Variants in PVT1 observed in about 807,000 individuals in gnomAD.
PVT1 encodes the protein Pvt1 oncogene.
At chr8:127,998,700 T>C (rs920688671) in intron 4 of PVT1, among the ~76,000 whole-genome samples, 2 of 149,972 alleles carry the variant, frequency 1.3e-5, no homozygotes, top group African/African-American at 4.9e-5. Flanking sequence ...TTCTTTCTTC[T>C]TTCTTTCTTT....
intron 2 of PVT1, among the ~76,000 whole-genome samples, chr8:127,829,941 C>T (rs1814832080): frequency 6.6e-6 from 1 of 152,180 alleles, no homozygotes; most frequent in African/African-American, 2.4e-5. Context: ...TGCTGGCAAT[C>T]TCTGGCTTGT....
intron 4 of PVT1, among the ~76,000 whole-genome samples, chr8:128,018,342 A>G (rs1817397187): frequency 2.0e-5 from 3 of 152,208 alleles, no homozygotes; most frequent in South Asian, 2.1e-4. Flanking sequence ...AAATTGGTAG[A>G]TGCTCTCCCC....
chr8:128,014,879 G>A (rs901714472), intron 4 of PVT1, among the ~76,000 whole-genome samples: 42 of 151,952 alleles, frequency 2.8e-4, no homozygotes, highest in African/African-American at 9.7e-4. Flanking sequence ...TGGACTCTAG[G>A]GGCACTTAAG....
At position 127,985,574 on chromosome 8, in the gene PVT1, C is replaced by A. The variant is rs1458879773; in HGVS notation, n.783-3588C>A. ...TATGCACTTCCCACCCTGCCCTGCACCCCATGCTCGGCTTGCTGGATTTGA... is the reference window on the plus strand; with the variant it reads ...TATGCACTTCCCACCCTGCCCTGCAACCCATGCTCGGCTTGCTGGATTTGA... On this transcript the variant is annotated intron_variant and non_coding_transcript_variant, in intron 3 of 10. Coordinates refer to ENST00000651587, the Ensembl canonical transcript of PVT1. Among the ~76,000 whole-genome samples, 18 of 152,284 alleles carry A rather than the reference C, an allele frequency of 1.2e-4. No individual in the cohort carries two copies. In the East Asian group the frequency reaches 3.5e-3, roughly 29 times the overall value.
At chr8:127,796,967 C>T (rs1038134422) in intron 2 of PVT1, among the ~76,000 whole-genome samples, 1 of 151,750 alleles carries the variant, frequency 6.6e-6, no homozygotes, top group Non-Finnish European at 1.5e-5. Context: ...CAACTTCCGC[C>T]TCCCAGGTTC....
intron 2 of PVT1, among the ~76,000 whole-genome samples, chr8:127,860,224 C>A (rs376326932): frequency 1.3e-5 from 2 of 152,180 alleles, no homozygotes; most frequent in Non-Finnish European, 2.9e-5. Context: ...AGGAGGCCGG[C>A]TCCTGGCAGA....
intron 3 of PVT1, among the ~76,000 whole-genome samples, chr8:127,902,348 C>A (rs910189495): frequency 3.3e-5 from 5 of 152,052 alleles, no homozygotes; most frequent in African/African-American, 1.2e-4. Context: ...ATACTTGGTT[C>A]CGGCTGTGTG....
At chr8:128,056,441 G>C (rs1813763403) in intron 4 of PVT1, among the ~76,000 whole-genome samples, 1 of 152,176 alleles carries the variant, frequency 6.6e-6, no homozygotes, top group Non-Finnish European at 1.5e-5. Context: ...TTCATTGCGT[G>C]TATACATAAA....
At chr8:128,086,633 CAG>C (rs1814261378) in intron 5 of PVT1, among the ~76,000 whole-genome samples, 1 of 152,258 alleles carries the variant, frequency 6.6e-6, no homozygotes, top group Non-Finnish European at 1.5e-5. Flanking sequence ...TTTACCTAAA[CAG>C]AGAATTTCTT....
chr8:127,893,610 C>T (rs1815638651), intron 3 of PVT1, among the ~76,000 whole-genome samples: 1 of 152,226 alleles, frequency 6.6e-6, no homozygotes, highest in Non-Finnish European at 1.5e-5. Flanking sequence ...AGAATACAAG[C>T]AGCATTTGGA....
chr8:127,876,867 T>C (rs1052111633), intron 2 of PVT1, among the ~76,000 whole-genome samples: 1 of 152,204 alleles, frequency 6.6e-6, no homozygotes, highest in African/African-American at 2.4e-5. Context: ...TTACCCAGAA[T>C]CCTTGGGCAA....
intron 4 of PVT1, among the ~76,000 whole-genome samples, chr8:128,048,773 T>G (rs1249227414): frequency 6.6e-6 from 1 of 152,234 alleles, no homozygotes; most frequent in East Asian, 1.9e-4. Context: ...ATAGCATAAG[T>G]GAAAGTGCCC....
intron 3 of PVT1, among the ~76,000 whole-genome samples, chr8:127,973,111 C>T (rs1461419548): frequency 2.6e-5 from 4 of 152,056 alleles, no homozygotes; most frequent in Non-Finnish European, 5.9e-5. Context: ...CTATGTTGCC[C>T]AGGCTGGTCT....
intron 4 of PVT1, among the ~76,000 whole-genome samples, chr8:127,997,820 C>T (rs953046604): frequency 6.6e-6 from 1 of 152,226 alleles, no homozygotes; most frequent in African/African-American, 2.4e-5. Context: ...AGGATCCCAT[C>T]TGGGATCCCA....
At chr8:128,034,983 G>T (rs931772146) in intron 4 of PVT1, among the ~76,000 whole-genome samples, 2 of 152,242 alleles carry the variant, frequency 1.3e-5, no homozygotes, top group African/African-American at 4.8e-5. Flanking sequence ...GTCCTGGCAT[G>T]AGCAGTAGCT....
At chr8:127,921,946 T>G (rs1374198819) in intron 3 of PVT1, among the ~76,000 whole-genome samples, 2 of 126,936 alleles carry the variant, frequency 1.6e-5, no homozygotes, top group Non-Finnish European at 3.2e-5. Context: ...CTGCAACCTC[T>G]GCCTCCTGGG....
At chr8:127,966,732 A>G (rs2129955776) in intron 3 of PVT1, among the ~76,000 whole-genome samples, 1 of 152,300 alleles carries the variant, frequency 6.6e-6, no homozygotes, top group Middle Eastern at 3.4e-3. Flanking sequence ...TGGCCACCCC[A>G]TTGGACAGCA....
intron 2 of PVT1, among the ~76,000 whole-genome samples, chr8:127,828,956 A>G (rs1253877798): frequency 6.6e-6 from 1 of 152,150 alleles, no homozygotes; most frequent in Non-Finnish European, 1.5e-5. Flanking sequence ...GCATAATAAT[A>G]ATGATTCAGG....
chr8:127,949,629 A>T (rs1448873018), intron 3 of PVT1, among the ~76,000 whole-genome samples: 1 of 151,798 alleles, frequency 6.6e-6, no homozygotes, highest in African/African-American at 2.4e-5. Flanking sequence ...GCCGTGCTAT[A>T]CTAACACCTC....
Sources: allele counts gnomAD v4.1 joint callset (sites outside exome capture counted in the v4.1 genomes callset), GRCh38; gene constraint gnomAD v4.1.1; transcripts MANE v1.5; gene names NCBI Gene and HGNC (gene_info 2026-07-23, HGNC 2026-07-21).